Variants in NRXN3 observed in about 807,000 individuals in gnomAD.
NRXN3 encodes neurexin III.
A neutral mutation model predicts 137.6 loss-of-function variants in NRXN3; 32 were observed. The observed-to-expected ratio is 0.23, with a 90% CI of 0.18 to 0.31. The LOEUF (loss-of-function observed/expected upper bound fraction) is 0.31. Ranked by LOEUF, NRXN3 falls within the 10% of genes least tolerant of loss-of-function variation. NRXN3 has a pLI of 1.00. For synonymous variants in NRXN3, 798 were observed against 784.5 expected, an observed-to-expected ratio of 1.02 and a Z score of -0.29; for missense variants, 1,574 against 2,062.5, an observed-to-expected ratio of 0.76 and a Z score of 4.59.
At chr14:78,453,574 T>G (rs1260546470) in intron 4 of NRXN3, among the ~76,000 whole-genome samples, 2 of 152,232 alleles carry the variant, frequency 1.3e-5, no homozygotes, top group Non-Finnish European at 2.9e-5. Flanking sequence ...TTTTCCAGCA[T>G]AAGAAAGAGC....
intron 15 of NRXN3, among the ~76,000 whole-genome samples, chr14:79,174,979 CTTTTTTTT>C: frequency 8.0e-6 from 1 of 124,934 alleles, no homozygotes; most frequent in East Asian, 2.3e-4. Context: ...TTCAGATTTC[CTTTTTTTT>C]TTTTTTTTTC....
chr14:79,839,727 T>C (rs1191033087), intron 20 of NRXN3, among the ~76,000 whole-genome samples: 1 of 152,200 alleles, frequency 6.6e-6, no homozygotes, highest in African/African-American at 2.4e-5. Context: ...CCCATACCAA[T>C]GTCTTATAGC....
chr14:78,460,340 C>G (rs2094886421), intron 4 of NRXN3, among the ~76,000 whole-genome samples: 1 of 152,232 alleles, frequency 6.6e-6, no homozygotes, highest in South Asian at 2.1e-4. Context: ...TAGCCCCTCT[C>G]TGTTTCCTGC....
chr14:79,707,705 A>C (rs2098786448), intron 19 of NRXN3, among the ~76,000 whole-genome samples: 1 of 152,148 alleles, frequency 6.6e-6, no homozygotes, highest in African/African-American at 2.4e-5. Context: ...CTGATATGGC[A>C]ATTAGCTTCC....
intron 10 of NRXN3, among the ~76,000 whole-genome samples, chr14:78,901,980 G>C (rs533561511): frequency 6.6e-6 from 1 of 152,042 alleles, no homozygotes; most frequent in Non-Finnish European, 1.5e-5. Context: ...AGGTTGTCGG[G>C]TATGCAAGGG....
intron 15 of NRXN3, among the ~76,000 whole-genome samples, chr14:79,178,734 G>A (rs1208754457): frequency 6.6e-6 from 1 of 152,134 alleles, no homozygotes; most frequent in Non-Finnish European, 1.5e-5. Context: ...GTATACATAT[G>A]TTCAACTGCA....
intron 15 of NRXN3, among the ~76,000 whole-genome samples, chr14:79,437,444 C>T (rs2095863174): frequency 6.6e-6 from 1 of 151,512 alleles, no homozygotes; most frequent in African/African-American, 2.4e-5. Context: ...CATCTGAGAA[C>T]CCATTAAACC....
At position 79,239,355 on chromosome 14, in the gene NRXN3, A is replaced by G. The variant is rs113859346; in HGVS notation, c.3263-227866A>G. On this transcript the variant is annotated intron_variant, in intron 15 of 20. Transcript: ENST00000335750. The stretch of plus-strand genomic sequence containing the variant: ...ACTGTACATAAAGAAATAGTGGATA[A>G]TAACAATGAGAAGATAGATTGGGGC... Among the ~76,000 whole-genome samples, 412 of 152,272 alleles carry G rather than the reference A, an allele frequency of 2.7e-3. 3 individuals carry two copies. Among genetic ancestry groups the G allele is most frequent in the African/African-American group, 9.3e-3 (388 of 41,568 alleles).
chr14:78,302,416 T>A (rs2076962476), intron 4 of NRXN3, among the ~76,000 whole-genome samples: 1 of 152,152 alleles, frequency 6.6e-6, no homozygotes, highest in African/African-American at 2.4e-5. Flanking sequence ...GTTTTACGGA[T>A]AAGAACAATA....
chr14:79,234,345 T>TTATATATATATATATAATATA (rs1463036536), intron 15 of NRXN3, among the ~76,000 whole-genome samples: 50 of 106,308 alleles, frequency 4.7e-4, no homozygotes, highest in African/African-American at 1.7e-3. Context: ...TATATAATAT[T>TTATATATATATATATAATATA]TATATATATA....
chr14:78,475,006 A>G (rs2095353384), intron 4 of NRXN3, among the ~76,000 whole-genome samples: 1 of 152,058 alleles, frequency 6.6e-6, no homozygotes, highest in Non-Finnish European at 1.5e-5. Context: ...GTGATCTGGG[A>G]CCACACTTTG....
At chr14:78,250,268 G>A (rs2068403672) in intron 2 of NRXN3, among the ~76,000 whole-genome samples, 1 of 152,186 alleles carries the variant, frequency 6.6e-6, no homozygotes, top group South Asian at 2.1e-4. Flanking sequence ...ACATCATGGA[G>A]TTGTTGAAAG....
At chr14:79,824,257 GATTA>G (rs781628184) in intron 20 of NRXN3, among the ~76,000 whole-genome samples, 2 of 152,180 alleles carry the variant, frequency 1.3e-5, no homozygotes, top group Non-Finnish European at 2.9e-5. Context: ...ATCAGCTGCA[GATTA>G]ATTGAGACTC....
chr14:79,072,697 A>G (rs1242197389), intron 15 of NRXN3, among the ~76,000 whole-genome samples: 1 of 152,202 alleles, frequency 6.6e-6, no homozygotes, highest in African/African-American at 2.4e-5. Flanking sequence ...AATCATGCAC[A>G]TACAAATGAT....
chr14:79,203,070 T>C (rs1205153468), intron 15 of NRXN3, among the ~76,000 whole-genome samples: 1 of 152,178 alleles, frequency 6.6e-6, no homozygotes, highest in Admixed American at 6.5e-5. Flanking sequence ...CCATTATCTT[T>C]TACCAGAAAA....
intron 16 of NRXN3, among the ~76,000 whole-genome samples, chr14:79,538,844 T>A (rs762623482): frequency 1.6e-4 from 24 of 152,242 alleles, no homozygotes; most frequent in Non-Finnish European, 1.6e-4. Flanking sequence ...ACATTACTTA[T>A]AATGTCGAAT....
chr14:78,850,380 C>A (rs1448193122), intron 10 of NRXN3, among the ~76,000 whole-genome samples: 1 of 152,058 alleles, frequency 6.6e-6, no homozygotes, highest in Admixed American at 6.6e-5. Context: ...ATGACGGAGT[C>A]CATAGTGATT....
chr14:79,395,488 G>A (rs2094988993), intron 15 of NRXN3, among the ~76,000 whole-genome samples: 1 of 152,114 alleles, frequency 6.6e-6, no homozygotes. Flanking sequence ...TGTTGCATAT[G>A]TGGAGTGTGT....
At chr14:79,762,943 C>T (rs557177073) in intron 19 of NRXN3, among the ~76,000 whole-genome samples, 3 of 151,634 alleles carry the variant, frequency 2.0e-5, no homozygotes, top group East Asian at 1.9e-4. Flanking sequence ...TAGGTATACA[C>T]GTGCCATGGT....
Sources: allele counts gnomAD v4.1 joint callset (sites outside exome capture counted in the v4.1 genomes callset), GRCh38; gene constraint gnomAD v4.1.1; transcripts MANE v1.5; gene names NCBI Gene and HGNC (gene_info 2026-07-23, HGNC 2026-07-21).